FAR1: variants seen among roughly 807,000 people sequenced by gnomAD.
The protein encoded by FAR1 is male sterility domain-containing protein 2.
A neutral mutation model predicts 61.1 loss-of-function variants in FAR1; 22 were observed. The ratio of observed to expected loss-of-function variants is 0.36; its 90% confidence interval spans 0.26 to 0.51. The LOEUF is 0.51. Ranked by LOEUF, FAR1 falls within the 20% of genes least tolerant of loss-of-function variation. The pLI is 0.95. For missense variants in FAR1, 359 were observed against 626.9 expected, an observed-to-expected ratio of 0.57 and a Z score of 4.56; for synonymous variants, 206 against 209.7, an observed-to-expected ratio of 0.98 and a Z score of 0.15.
intron 4 of FAR1, among the ~76,000 whole-genome samples, chr11:13,709,790 T>C (rs7944127): frequency 0.3 from 45,702 of 151,962 alleles, 7,217 homozygotes; most frequent in South Asian, 0.38. Flanking sequence ...TGATAATCTC[T>C]GTTTTATGCT....
chr11:13,726,898 G>T (rs1848672490), intron 10 of FAR1, among the ~76,000 whole-genome samples: 1 of 151,866 alleles, frequency 6.6e-6, no homozygotes, highest in Admixed American at 6.6e-5. Flanking sequence ...TTTTAGATAA[G>T]TGATGGTATA....
At chr11:13,669,529 G>A (rs1207466437) in intron 1 of FAR1, 1 of 152,204 alleles carries the variant, frequency 6.6e-6, no homozygotes, top group Non-Finnish European at 1.5e-5. Flanking sequence ...AAGTATACAA[G>A]CAGCAAACGC....
At chr11:13,724,692 CA>C (rs373001498) in intron 10 of FAR1, among the ~76,000 whole-genome samples, 157 of 151,960 alleles carry the variant, frequency 1.0e-3, no homozygotes, top group African/African-American at 3.4e-3. Flanking sequence ...AACATATAAT[CA>C]AAAATATTGT....
intron 1 of FAR1, among the ~76,000 whole-genome samples, chr11:13,677,564 T>C (rs867709641): frequency 2.0e-5 from 3 of 152,250 alleles, no homozygotes; most frequent in Non-Finnish European, 4.4e-5. Flanking sequence ...AAGAAGTTAC[T>C]GCTTACATGA....
At chr11:13,702,339 G>A (rs1848386181) in intron 3 of FAR1, among the ~76,000 whole-genome samples, 1 of 151,982 alleles carries the variant, frequency 6.6e-6, no homozygotes. Flanking sequence ...CTATGAACAT[G>A]TGTTAATCTT....
intron 5 of FAR1, chr11:13,711,218 G>T: frequency 3.7e-6 from 1 of 273,414 alleles, no homozygotes; most frequent in South Asian, 4.6e-5. Context: ...AAGTAAAAAA[G>T]GTACAGGGTG....
chr11:13,689,061 A>G (rs774372154), intron 1 of FAR1, among the ~76,000 whole-genome samples: 1 of 152,264 alleles, frequency 6.6e-6, no homozygotes, highest in Non-Finnish European at 1.5e-5. Flanking sequence ...AAACTGAGAC[A>G]CTTCTGAGAA....
At chr11:13,685,104 A>AT (rs1445640563) in intron 1 of FAR1, among the ~76,000 whole-genome samples, 1 of 152,142 alleles carries the variant, frequency 6.6e-6, no homozygotes, top group African/African-American at 2.4e-5. Flanking sequence ...TTACCTGAAA[A>AT]TGATGTCTTT....
intron 9 of FAR1, 104 bp downstream of exon 9, chr11:13,714,784 T>A: frequency 9.8e-7 from 1 of 1,019,326 alleles, no homozygotes; most frequent in Non-Finnish European, 1.4e-6. Flanking sequence ...TGATAAGGCT[T>A]AATAGCCTTT....
intron 1 of FAR1, among the ~76,000 whole-genome samples, chr11:13,678,060 G>T (rs1848086809): frequency 6.6e-6 from 1 of 152,204 alleles, no homozygotes; most frequent in Non-Finnish European, 1.5e-5. Context: ...GATGGCAAGT[G>T]CCCCTCTTGA....
chr11:13,675,445 G>T (rs1419611727), intron 1 of FAR1, among the ~76,000 whole-genome samples: 4 of 152,172 alleles, frequency 2.6e-5, no homozygotes, highest in Admixed American at 2.0e-4. Flanking sequence ...TGGCGCTATA[G>T]AATAAGTTAT....
chr11:13,670,973 C>A (rs1196052064), intron 1 of FAR1, among the ~76,000 whole-genome samples: 1 of 152,144 alleles, frequency 6.6e-6, no homozygotes, highest in Non-Finnish European at 1.5e-5. Context: ...CCAAAGAGAG[C>A]ATTTGCTGTG....
intron 9 of FAR1, among the ~76,000 whole-genome samples, chr11:13,718,185 C>G (rs909118383): frequency 6.6e-6 from 1 of 152,182 alleles, no homozygotes; most frequent in African/African-American, 2.4e-5. Context: ...TTCTGGAAGG[C>G]ACTGCCTAGG....
At chr11:13,714,406 C>T (rs1848532816) in intron 8 of FAR1, 103 bp from the exon 9 acceptor site, 2 of 1,166,236 alleles carry the variant, frequency 1.7e-6, no homozygotes, top group Non-Finnish European at 2.4e-6. Context: ...CGAACTCTGA[C>T]ATCTTTGGTA....
chr11:13,688,186 A>G (rs960704925), intron 1 of FAR1, among the ~76,000 whole-genome samples: 4 of 151,750 alleles, frequency 2.6e-5, no homozygotes, highest in African/African-American at 9.7e-5. Flanking sequence ...GCAAAAAAAA[A>G]TATATATTTA....
At chr11:13,694,987 A>G in intron 2 of FAR1, 33 bp downstream of exon 2, 2 of 1,537,824 alleles carry the variant, frequency 1.3e-6, no homozygotes, top group East Asian at 2.3e-5. Flanking sequence ...CAGAACAAAG[A>G]AAAAAGCGTG....
chr11:13,676,159 G>C (rs1178034099), intron 1 of FAR1, among the ~76,000 whole-genome samples: 1 of 152,040 alleles, frequency 6.6e-6, no homozygotes, highest in Non-Finnish European at 1.5e-5. Context: ...TAATTATTAA[G>C]AGTGATAAAA....
rs1204090669 is a variant in FAR1, at chr11:13,721,712, A to G, written c.1128-18A>G. On this transcript the variant is annotated intron_variant, in intron 9 of 11. Transcript: ENST00000354817. This position sits in a 1 kb window ranked among gnomAD's most constrained non-coding sequence, Gnocchi z 4.2. ...ATCTATACAAAATATGAATCTGTCC[A>G]TTTTTCTTACAATACAGGATGATGA... 2 of 1,605,710 alleles carry G rather than the reference A, an allele frequency of 1.2e-6. No individual in the cohort carries two copies. The highest frequency in any genetic ancestry group is 8.5e-7 in the Non-Finnish European group (1 of 1,177,080).
At position 13,699,104 on chromosome 11, in the gene FAR1, A is replaced by G. The variant is rs150632333; in HGVS notation, c.190-1213A>G. Among the ~76,000 whole-genome samples, 219 of 152,264 alleles carry G rather than the reference A, an allele frequency of 1.4e-3. 1 individual carries two copies. Among genetic ancestry groups the G allele is most frequent in the African/African-American group, 5.1e-3 (211 of 41,544 alleles). On this transcript the variant is annotated intron_variant, in intron 2 of 11. Coordinates refer to ENST00000354817, the MANE Select transcript of FAR1 (RefSeq NM_032228.6). The stretch of plus-strand genomic sequence containing the variant: ...TGTAATTTCAGGGCCTTCCTCCCTC[A>G]CTTTTGTCCCTAACACACACACACA...
Sources: allele counts gnomAD v4.1 joint callset (sites outside exome capture counted in the v4.1 genomes callset), GRCh38; gene constraint gnomAD v4.1.1; non-coding constraint Gnocchi (gnomAD v3.1); transcripts MANE v1.5; gene names NCBI Gene and HGNC (gene_info 2026-07-23, HGNC 2026-07-21).